Variants in CHD8 observed in about 807,000 individuals in gnomAD.
CHD8 encodes ATP-dependent chromatin remodeler CHD8.
A neutral mutation model predicts 279.2 loss-of-function variants in CHD8; 31 were observed. The observed-to-expected ratio is 0.11, with a 90% CI of 0.08 to 0.15. CHD8 has a LOEUF of 0.15. CHD8 is among the 10% of genes least tolerant of loss of function. The pLI is 1.00. For missense variants in CHD8, 2,146 were observed against 3,230.5 expected (o/e 0.66, Z 8.14); for synonymous variants, 1,081 against 1,139.6 (o/e 0.95, Z 1.04).
At chr14:21,446,530 G>C (rs1890126244) in intron 1 of CHD8, among the ~76,000 whole-genome samples, 1 of 152,048 alleles carries the variant, frequency 6.6e-6, no homozygotes, top group Non-Finnish European at 1.5e-5. Context: ...AGGCTGGTCT[G>C]GAACTCCTGG....
intron 1 of CHD8, among the ~76,000 whole-genome samples, chr14:21,436,305 A>G (rs1292740541): frequency 1.3e-5 from 2 of 152,274 alleles, no homozygotes; most frequent in Non-Finnish European, 2.9e-5. Context: ...GAAGCAGCTT[A>G]ATTTAAATGA....
intron 1 of CHD8, among the ~76,000 whole-genome samples, chr14:21,433,548 T>C (rs780327156): frequency 1.3e-5 from 2 of 152,190 alleles, no homozygotes; most frequent in Non-Finnish European, 2.9e-5. Context: ...ATAACCCCCA[T>C]GCTATGTTTT....
chr14:21,448,333 CT>C (rs1890174986), intron 1 of CHD8, among the ~76,000 whole-genome samples: 1 of 152,184 alleles, frequency 6.6e-6, no homozygotes, highest in African/African-American at 2.4e-5. Flanking sequence ...TCATTTTCCC[CT>C]GTACAGCTTA....
In CHD8 at chr14:21,426,117, G is replaced by T. The variant is rs1232879931; in HGVS notation, c.1716+11C>A. On this transcript the variant is annotated intron_variant, in intron 5 of 37. Transcript: ENST00000646647. ...GGTTTTTTCTACTAAATTCTTTTGG[G>T]ATCCTTTTACCTGAATGCTGCTTTC... The T allele has an allele frequency of 1.9e-5, 28 of 1,499,622 alleles. No homozygotes were observed. The highest frequency in any genetic ancestry group is 2.4e-5 in the Non-Finnish European group (26 of 1,083,726). 92.9% of individuals were successfully genotyped at this position (1,499,622 alleles called of 1,614,324 possible).
chr14:21,437,581 G>A (rs1889841409), intron 1 of CHD8, among the ~76,000 whole-genome samples: 1 of 152,110 alleles, frequency 6.6e-6, no homozygotes, highest in South Asian at 2.1e-4. Context: ...AACTTGGGAG[G>A]GAGGGTTCCG....
chr14:21,431,528 A>G lies in CHD8; in HGVS notation c.116T>C (p.Leu39Pro). 6.5e-7 allele frequency: 1 copy of G among 1,537,232 alleles called. No homozygotes were observed. Among genetic ancestry groups the G allele is most frequent in the Non-Finnish European group, 8.7e-7 (1 of 1,146,878 alleles). Residue 39 changes from leucine to proline, a missense_variant, in exon 2 of 38, where the codon CTG becomes CCG. Around this residue, in one of 26 missense-constraint regions of CHD8, gnomAD observed 302 missense variants for 325.5 expected, o/e 0.93. Transcript: ENST00000646647. ...ATCCAAGGAGTCCAGAGAGCTTGGC[A>G]GTCCAAGGGCTTCCTCAATGGGGTC... ...TQDPIEEALG[L>P]PSSLDSLDQM...
intron 21 of CHD8, 50 bp from the exon 22 acceptor site, chr14:21,401,121 G>T: frequency 7.3e-7 from 1 of 1,369,846 alleles, no homozygotes. Context: ...TTTGCTCATG[G>T]GAAAAGAATA....
intron 5 of CHD8, among the ~76,000 whole-genome samples, chr14:21,423,210 C>T (rs995034379): frequency 6.6e-6 from 1 of 152,028 alleles, no homozygotes; most frequent in African/African-American, 2.4e-5. Flanking sequence ...AGAGCAGACT[C>T]TATCTCAAAA....
chr14:21,385,486 C>CTTT lies in CHD8; in HGVS notation c.*126_*127insAAA. On this transcript the variant is annotated 3_prime_UTR_variant, in exon 38 of 38. Coordinates refer to ENST00000646647, the MANE Select transcript of CHD8 (RefSeq NM_001170629.2). ...ATCAGGTACATTTTTTTTTTTTTTTCCTTTTCACCTCCTGGAGTCCTGGAC... is the reference window on the plus strand; with the variant it reads ...ATCAGGTACATTTTTTTTTTTTTTTCTTTCTTTTCACCTCCTGGAGTCCTGGAC... 1 of 1,183,054 alleles carries CTTT rather than the reference C, an allele frequency of 8.5e-7. No homozygotes were observed. The highest frequency in any genetic ancestry group is 1.6e-5 in the African/African-American group (1 of 62,686). The allele number at this position is 1,183,054 out of a possible 1,614,324, so 73.3% of individuals were successfully genotyped here.
intron 1 of CHD8, among the ~76,000 whole-genome samples, chr14:21,439,745 A>G (rs1219082078): frequency 1.3e-5 from 2 of 152,320 alleles, no homozygotes; most frequent in Admixed American, 6.5e-5. Context: ...ACTTAAGACA[A>G]TATCTTATAT....
rs1887205912 is a variant in CHD8, at chr14:21,385,919, T to G, written c.7440A>C (p.Ala2480=). The part of the protein sequence containing the change: ...LPFMPFVMGG[A]PSSPHVDSST... Reference sequence around the variant, plus strand: ...TGGAGTCTACATGAGGGGATGATGGTGCACCACCCATCACAAATGGCATAA... The same window carrying G: ...TGGAGTCTACATGAGGGGATGATGGGGCACCACCCATCACAAATGGCATAA... The change falls in exon 38 of 38, where the codon GCA becomes GCC. Residue 2480 remains alanine (A), a synonymous_variant. Coordinates refer to ENST00000646647, the MANE Select transcript of CHD8 (RefSeq NM_001170629.2). The G allele has an allele frequency of 1.3e-6, 2 of 1,552,452 alleles. No individual in the cohort carries two copies. Among genetic ancestry groups the G allele is most frequent in the Non-Finnish European group, 1.7e-6 (2 of 1,147,492 alleles).
Position 21,402,645 on chromosome 14 carries a change from A to T in CHD8, c.3715-142T>A. The T allele has an allele frequency of 1.2e-6, 1 of 822,118 alleles. No individual in the cohort carries two copies. The highest frequency in any genetic ancestry group is 1.8e-6 in the Non-Finnish European group (1 of 541,712). 50.9% of individuals were successfully genotyped at this position (822,118 alleles called of 1,614,324 possible). On this transcript the variant is annotated intron_variant, in intron 18 of 37. Transcript: ENST00000646647. The surrounding 1 kb of genome is among the most constrained non-coding windows in gnomAD (Gnocchi z 4.5). ...CTCAAAACCAAGAGTCAATTTCAAG[A>T]TGAAATTATCACCCCATCATGTAGA...
chr14:21,454,881 A>T (rs911354886), intron 1 of CHD8: 1 of 152,280 alleles, frequency 6.6e-6, no homozygotes, highest in African/African-American at 2.4e-5. Context: ...CCAATACAAA[A>T]GAAATTCCTA....
At chr14:21,404,013 C>T (rs560883457) in intron 16 of CHD8, among the ~76,000 whole-genome samples, 67 of 151,250 alleles carry the variant, frequency 4.4e-4, no homozygotes, top group African/African-American at 1.3e-3. Flanking sequence ...GCAGGAGAAT[C>T]GCTTGAATTC....
At chr14:21,433,993 A>C (rs138798172) in intron 1 of CHD8, among the ~76,000 whole-genome samples, 42 of 152,042 alleles carry the variant, frequency 2.8e-4, no homozygotes, top group African/African-American at 1.0e-3. Context: ...GTCAGAAGTT[A>C]AAGTATCTAC....
Position 21,405,405 on chromosome 14 carries a change from A to C in CHD8, c.3111T>G (p.Val1037=). The change falls in exon 16 of 38, where the codon GTT becomes GTG. Residue 1037 remains valine, a synonymous_variant. Transcript: ENST00000646647. This position sits in a 1 kb window ranked among gnomAD's most constrained non-coding sequence, Gnocchi z 4.2. ...CCTGTTTGGGTGCCAAGTTTTTTTC[A>C]ACATCCTCTTTGAGTCTTCTCAGCA... is the stretch of plus-strand genomic sequence containing the variant. The part of the protein sequence containing the change: ...PMMLRRLKED[V]EKNLAPKQET... 1 of 1,600,184 alleles carries C rather than the reference A, an allele frequency of 6.2e-7. No individual in the cohort carries two copies. The highest frequency in any genetic ancestry group is 8.5e-7 in the Non-Finnish European group (1 of 1,172,482).
chr14:21,441,047 C>G (rs1889946987), intron 1 of CHD8, among the ~76,000 whole-genome samples: 1 of 152,108 alleles, frequency 6.6e-6, no homozygotes, highest in Non-Finnish European at 1.5e-5. Flanking sequence ...CCTCCCCTTC[C>G]TAGCAAAGAG....
chr14:21,406,057 A>C (rs938584524), intron 14 of CHD8, among the ~76,000 whole-genome samples, 193 bp from the exon 15 acceptor site: 3 of 152,198 alleles, frequency 2.0e-5, no homozygotes, highest in African/African-American at 7.2e-5. Context: ...AAAGCATTCA[A>C]GAAATCCCTC....
At chr14:21,393,429 G>C (rs1887635390) in intron 32 of CHD8, 47 bp downstream of exon 32, 1 of 1,510,842 alleles carries the variant, frequency 6.6e-7, no homozygotes, top group African/African-American at 1.4e-5. Context: ...AAAGAGAAGA[G>C]AGGGGGAAAT....
Sources: allele counts gnomAD v4.1 joint callset (sites outside exome capture counted in the v4.1 genomes callset), GRCh38; gene constraint gnomAD v4.1.1; regional missense constraint gnomAD v4.1.1; non-coding constraint Gnocchi (gnomAD v3.1); transcripts MANE v1.5; gene names NCBI Gene and HGNC (gene_info 2026-07-23, HGNC 2026-07-21).